The following SLC25A48 variants were observed in gnomAD, a reference collection of about 807,000 sequenced individuals.
SLC25A48 encodes the protein solute carrier family 25 member 48.
In SLC25A48, 29 loss-of-function variants were observed where a neutral mutation model predicts 32.2. The ratio of observed to expected loss-of-function variants is 0.90; its 90% CI spans 0.67 to 1.23. The LOEUF (loss-of-function observed/expected upper bound fraction) is 1.23, where lower values mean the gene tolerates loss of function less well. SLC25A48 is among the 50% of genes most tolerant of loss of function. The pLI is 0.00. For missense variants in SLC25A48, 399 were observed against 422.7 expected (o/e 0.94, Z 0.49); for synonymous variants, 164 against 172.3 (o/e 0.95, Z 0.38).
At chr5:135,751,440 C>T (rs2127008743) in intron 3 of SLC25A48, among the ~76,000 whole-genome samples, 2 of 152,298 alleles carry the variant, frequency 1.3e-5, no homozygotes. Flanking sequence ...TGTCCTGTGG[C>T]CCCTTTTGAA....
chr5:135,866,215 C>T (rs950850052), intron 4 of SLC25A48, among the ~76,000 whole-genome samples: 3 of 152,230 alleles, frequency 2.0e-5, no homozygotes, highest in African/African-American at 7.2e-5. Context: ...GACATACCCA[C>T]ACAGCAGAGG....
At chr5:135,601,434 C>T (rs1158197466) in intron 1 of SLC25A48, among the ~76,000 whole-genome samples, 1 of 152,184 alleles carries the variant, frequency 6.6e-6, no homozygotes, top group Non-Finnish European at 1.5e-5. Flanking sequence ...CTAGACATCT[C>T]TGGGAACCTT....
At chr5:135,700,407 G>C (rs1402046241) in intron 3 of SLC25A48, among the ~76,000 whole-genome samples, 2 of 128,036 alleles carry the variant, frequency 1.6e-5, no homozygotes, top group African/African-American at 5.6e-5. Flanking sequence ...AGAAAGAAAA[G>C]AAAATGATAT....
intron 3 of SLC25A48, among the ~76,000 whole-genome samples, chr5:135,788,763 T>C (rs1756928565): frequency 6.7e-6 from 1 of 150,312 alleles, no homozygotes; most frequent in Admixed American, 6.6e-5. Context: ...ATCCGTAATA[T>C]CCGTGGGTTG....
At chr5:135,726,028 C>T (rs747705784) in intron 3 of SLC25A48, among the ~76,000 whole-genome samples, 2 of 152,226 alleles carry the variant, frequency 1.3e-5, no homozygotes, top group African/African-American at 2.4e-5. Context: ...CACTGACAGA[C>T]TCGAGGATCT....
chr5:135,651,283 G>A (rs575083456), intron 3 of SLC25A48, among the ~76,000 whole-genome samples: 3 of 152,274 alleles, frequency 2.0e-5, no homozygotes, highest in African/African-American at 7.2e-5. Flanking sequence ...ATAGTGCCCA[G>A]TGACTCACAG....
chr5:135,715,715 T>C (rs1009603786), intron 3 of SLC25A48, among the ~76,000 whole-genome samples: 2 of 152,248 alleles, frequency 1.3e-5, no homozygotes, highest in African/African-American at 4.8e-5. Flanking sequence ...GTCAGCTCTA[T>C]GCTAATGCCT....
At chr5:135,776,268 G>GGA (rs1756556351) in intron 3 of SLC25A48, among the ~76,000 whole-genome samples, 2 of 138,864 alleles carry the variant, frequency 1.4e-5, no homozygotes, top group Middle Eastern at 3.6e-3. Context: ...CTCATATCTG[G>GGA]GGGGTGGGGG....
At chr5:135,723,376 T>TCACACACA (rs1446274270) in intron 3 of SLC25A48, among the ~76,000 whole-genome samples, 4 of 47,744 alleles carry the variant, frequency 8.4e-5, no homozygotes, top group Admixed American at 3.8e-4. Flanking sequence ...TCTCTCTCTC[T>TCACACACA]CTCTCACACA....
chr5:135,648,347 A>T (rs928111927), intron 3 of SLC25A48, among the ~76,000 whole-genome samples: 5 of 152,192 alleles, frequency 3.3e-5, no homozygotes, highest in African/African-American at 9.6e-5. Context: ...CTGCCTGACG[A>T]TGGAGCCTGG....
At chr5:135,676,959 CTG>C (rs75849483) in intron 3 of SLC25A48, among the ~76,000 whole-genome samples, 114,200 of 151,690 alleles carry the variant, frequency 0.75, 43,469 homozygotes, top group Middle Eastern at 0.86. Context: ...CTGTAAATAT[CTG>C]TTATATCCAT....
intron 3 of SLC25A48, among the ~76,000 whole-genome samples, chr5:135,711,639 CTTGTGCATAAA>C (rs1258728784): frequency 2.0e-5 from 3 of 152,172 alleles, no homozygotes; most frequent in Non-Finnish European, 4.4e-5. Context: ...ATAGAACCTG[CTTGTGCATAAA>C]AAATGGAAGA....
chr5:135,793,702 G>A (rs1376713562), intron 3 of SLC25A48, among the ~76,000 whole-genome samples: 1 of 150,498 alleles, frequency 6.6e-6, no homozygotes, highest in Non-Finnish European at 1.5e-5. Flanking sequence ...GTAATATCCT[G>A]GGGAGATATT....
intron 3 of SLC25A48, among the ~76,000 whole-genome samples, chr5:135,778,522 G>A (rs987615647): frequency 6.6e-6 from 1 of 151,104 alleles, no homozygotes; most frequent in African/African-American, 2.4e-5. Context: ...TCCCAATGTC[G>A]CAGAGGGTGT....
chr5:135,670,363 A>C (rs1753625927), intron 3 of SLC25A48, among the ~76,000 whole-genome samples: 2 of 152,112 alleles, frequency 1.3e-5, no homozygotes, highest in South Asian at 4.1e-4. Context: ...TCAGTTTTTA[A>C]ATAGAGCTGC....
chr5:135,752,944 C>T (rs1384154142), intron 3 of SLC25A48, among the ~76,000 whole-genome samples: 1 of 151,800 alleles, frequency 6.6e-6, no homozygotes, highest in Non-Finnish European at 1.5e-5. Context: ...AGTAATTTCT[C>T]GAGGATATAT....
At chr5:135,846,428 AG>A (rs138151567) in intron 2 of SLC25A48, among the ~76,000 whole-genome samples, 55 of 152,270 alleles carry the variant, frequency 3.6e-4, no homozygotes, top group South Asian at 2.1e-3. Context: ...CTCACTACCC[AG>A]TCCAATCTGG....
intron 1 of SLC25A48, among the ~76,000 whole-genome samples, chr5:135,837,011 T>G (rs906469599): frequency 7.3e-6 from 1 of 137,208 alleles, no homozygotes; most frequent in Non-Finnish European, 1.5e-5. Flanking sequence ...TTTGAGATTT[T>G]ACTGGTTTGT....
intron 3 of SLC25A48, among the ~76,000 whole-genome samples, chr5:135,732,974 A>G (rs1380046806): frequency 6.6e-6 from 1 of 152,154 alleles, no homozygotes; most frequent in African/African-American, 2.4e-5. Flanking sequence ...AGTGGCTTTG[A>G]GAAGAGTTTT....
Sources: allele counts gnomAD v4.1 joint callset (sites outside exome capture counted in the v4.1 genomes callset), GRCh38; gene constraint gnomAD v4.1.1; transcripts MANE v1.5; gene names NCBI Gene and HGNC (gene_info 2026-07-23, HGNC 2026-07-21).